Variants in ATP2C2 observed in about 807,000 individuals in gnomAD.
ATP2C2 encodes calcium-transporting ATPase type 2C member 2.
In ATP2C2, 171 loss-of-function variants were observed where a neutral mutation model predicts 110.8. That is an observed-to-expected ratio of 1.54 (90% confidence interval 1.36 to 1.75). The LOEUF is 1.75. Ranked by LOEUF, ATP2C2 falls within the 40% of genes most tolerant of loss-of-function variation. The pLI, the probability that ATP2C2 is intolerant of heterozygous loss-of-function variation, is 0.00. For missense variants in ATP2C2, 1,963 were observed against 1,235.0 expected (o/e 1.59, Z -8.84); for synonymous variants, 804 against 508.4 (o/e 1.58, Z -7.82).
chr16:84,424,004 G>A (rs111818688), intron 10 of ATP2C2, among the ~76,000 whole-genome samples: 5 of 152,246 alleles, frequency 3.3e-5, no homozygotes, highest in African/African-American at 1.2e-4. Flanking sequence ...CCTTACTTCT[G>A]TGTCCTTTAT....
chr16:84,460,960 G>C, intron 24 of ATP2C2, 159 bp downstream of exon 24: 6 of 1,084,466 alleles, frequency 5.5e-6, no homozygotes, highest in Non-Finnish European at 7.7e-6. Flanking sequence ...GGTGCATGAG[G>C]CAAAGGGACT....
At chr16:84,394,636 C>G (rs1904861860) in intron 1 of ATP2C2, among the ~76,000 whole-genome samples, 1 of 152,126 alleles carries the variant, frequency 6.6e-6, no homozygotes, top group South Asian at 2.1e-4. Context: ...GCTGTGCTCT[C>G]TCTGGAGGCT....
At chr16:84,401,597 C>T (rs1217729523) in intron 2 of ATP2C2, among the ~76,000 whole-genome samples, 1 of 152,172 alleles carries the variant, frequency 6.6e-6, no homozygotes, top group Non-Finnish European at 1.5e-5. Flanking sequence ...GCCCTTTCCC[C>T]AGTGGATGTT....
rs570238693 is a variant in ATP2C2 at position 84,450,059 on chromosome 16, G to C, written c.1660+1370G>C. Among the ~76,000 whole-genome samples, 7 of 152,382 alleles carry C rather than the reference G, an allele frequency of 4.6e-5. No homozygotes were observed. In the South Asian group the frequency reaches 1.5e-3, roughly 32 times the overall value. On this transcript the variant is annotated intron_variant, in intron 17 of 26. Transcript: ENST00000262429. ...GATGTCTGCTGCGGAGCGTAATGAC[G>C]CGTTCCAGGGACTTGCTCCAGGCCT...
intron 26 of ATP2C2, among the ~76,000 whole-genome samples, chr16:84,463,295 G>C (rs1171218314): frequency 6.6e-6 from 1 of 152,136 alleles, no homozygotes. Context: ...GCAAGCAGCA[G>C]GGCACTGGGA....
intron 6 of ATP2C2, 114 bp downstream of exon 6, chr16:84,410,879 A>C: frequency 9.5e-7 from 1 of 1,055,570 alleles, no homozygotes; most frequent in Non-Finnish European, 1.4e-6. Flanking sequence ...CAAGAGAACC[A>C]CATCTCACTG....
intron 24 of ATP2C2, 160 bp downstream of exon 24, chr16:84,460,961 C>A (rs986595165): frequency 1.9e-6 from 2 of 1,073,152 alleles, no homozygotes; most frequent in Non-Finnish European, 2.6e-6. Flanking sequence ...GTGCATGAGG[C>A]AAAGGGACTG....
intron 6 of ATP2C2, among the ~76,000 whole-genome samples, chr16:84,411,726 G>C (rs753440505): frequency 1.3e-4 from 20 of 152,154 alleles, no homozygotes; most frequent in Non-Finnish European, 2.2e-4. Context: ...ACAGGTGTGA[G>C]CCACCGTGCC....
chr16:84,404,933 A>C (rs745671441), intron 2 of ATP2C2, 195 bp from the exon 3 acceptor site: 83 of 691,080 alleles, frequency 1.2e-4, no homozygotes, highest in Non-Finnish European at 2.0e-4. Context: ...TATAATGGTC[A>C]CTGGCTTGTG....
intron 26 of ATP2C2, 194 bp downstream of exon 26, chr16:84,462,323 A>T (rs1235728301): frequency 2.8e-6 from 2 of 702,226 alleles, no homozygotes; most frequent in Non-Finnish European, 4.6e-6. Flanking sequence ...GGATGCACAG[A>T]AACCCCTAGG....
At chr16:84,412,547 CGTGTGTGTGTGTGT>C (rs58494870) in intron 6 of ATP2C2, among the ~76,000 whole-genome samples, 4 of 149,516 alleles carry the variant, frequency 2.7e-5, no homozygotes, top group Admixed American at 6.6e-5. Context: ...TGTGTGTATG[CGTGTGTGTGTGTGT>C]GTGTGTGTAT....
intron 6 of ATP2C2, among the ~76,000 whole-genome samples, chr16:84,414,132 C>G (rs747552195): frequency 6.6e-6 from 1 of 152,178 alleles, no homozygotes; most frequent in East Asian, 1.9e-4. Flanking sequence ...GACATTTAAG[C>G]TGAGGCCTGA....
intron 1 of ATP2C2, among the ~76,000 whole-genome samples, chr16:84,384,376 G>A (rs1162269755): frequency 6.6e-6 from 1 of 152,148 alleles, no homozygotes; most frequent in African/African-American, 2.4e-5. Context: ...TTTGTCTAAT[G>A]TTTCCTCGGG....
At chr16:84,428,580 T>G (rs918048429) in intron 11 of ATP2C2, among the ~76,000 whole-genome samples, 1 of 152,174 alleles carries the variant, frequency 6.6e-6, no homozygotes, top group Non-Finnish European at 1.5e-5. Context: ...GCTGGAATAT[T>G]ATGTGATGAT....
chr16:84,459,188 C>T lies in ATP2C2; in HGVS notation c.2216C>T (p.Thr739Met), dbSNP rs373240687. ...AACTTTGTCCGATTCCAGCTGAGCA[C>T]GTAAGTAGAGGCCAGCATTCCGAGT... Reference protein sequence around the residue: ...IKNFVRFQLSTSISALSLITL... With the variant: ...IKNFVRFQLSMSISALSLITL... The change falls in exon 22 of 27, where the codon ACG becomes ATG. Residue 739 changes from threonine to methionine, a missense_variant and splice_region_variant. Thr to Met is a moderately conservative substitution (Grantham distance 81). Transcript: ENST00000262429. The T allele has an allele frequency of 1.2e-5, 20 of 1,614,102 alleles. No individual in the cohort carries two copies. The highest frequency in any genetic ancestry group is 5.5e-5 in the South Asian group (5 of 91,090).
At chr16:84,409,501 C>G (rs1426667353) in intron 4 of ATP2C2, among the ~76,000 whole-genome samples, 1 of 152,080 alleles carries the variant, frequency 6.6e-6, no homozygotes, top group East Asian at 1.9e-4. Flanking sequence ...TCTGGCTTCT[C>G]CTGAGCACAT....
At chr16:84,449,067 A>G (rs1171047114) in intron 17 of ATP2C2, among the ~76,000 whole-genome samples, 1 of 151,940 alleles carries the variant, frequency 6.6e-6, no homozygotes, top group Non-Finnish European at 1.5e-5. Context: ...GCCATTTTCA[A>G]TTTTCTGCAG....
chr16:84,404,965 C>G, intron 2 of ATP2C2, 163 bp from the exon 3 acceptor site: 1 of 727,782 alleles, frequency 1.4e-6, no homozygotes. Flanking sequence ...TCTCTCTGCC[C>G]CATCTGCACG....
chr16:84,459,239 C>A lies in ATP2C2; in HGVS notation c.2217-31C>A, dbSNP rs200539462. 3.7e-6 allele frequency: 6 copies of A among 1,613,938 alleles called. No individual in the cohort carries two copies. The Admixed American group carries it at 8.3e-5, about 22-fold the overall frequency. On this transcript the variant is annotated intron_variant, in intron 22 of 26. Transcript: ENST00000262429. ...GTCATTAAGCACCACGCCTGGCGGG[C>A]GGCCGCTGACTGGCTGCGTGTGCCC...
Sources: allele counts gnomAD v4.1 joint callset (sites outside exome capture counted in the v4.1 genomes callset), GRCh38; gene constraint gnomAD v4.1.1; transcripts MANE v1.5; gene names NCBI Gene and HGNC (gene_info 2026-07-23, HGNC 2026-07-21).